Variants in ACTR3C observed in about 807,000 individuals in gnomAD.
ACTR3C encodes the protein actin related protein 3C.
A neutral mutation model predicts 26.3 loss-of-function variants in ACTR3C; 18 were observed. That is an observed-to-expected ratio of 0.68 (90% CI 0.47 to 1.01). The LOEUF (loss-of-function observed/expected upper bound fraction) is 1.01. Among genes scored for constraint, ACTR3C ranks in the 50% least tolerant of loss-of-function variants. The pLI is 0.00. For synonymous variants in ACTR3C, 55 were observed against 94.5 expected, an observed-to-expected ratio of 0.58 and a Z score of 2.42; for missense variants, 184 against 250.7, an observed-to-expected ratio of 0.73 and a Z score of 1.80.
chr7:150,046,538 T>C, the ACTR3C span, among the ~76,000 whole-genome samples: 1 of 149,378 alleles, frequency 6.7e-6, no homozygotes, highest in Non-Finnish European at 1.5e-5. Flanking sequence ...GGTTGAGCAG[T>C]TGTGAAACTC....
the ACTR3C span, among the ~76,000 whole-genome samples, chr7:150,146,887 T>C: frequency 2.0e-5 from 3 of 152,200 alleles, no homozygotes; most frequent in East Asian, 5.8e-4. Flanking sequence ...ACTATTTTCT[T>C]AAAAGATTGA....
the ACTR3C span, among the ~76,000 whole-genome samples, chr7:149,884,303 A>G: frequency 6.6e-6 from 1 of 152,168 alleles, no homozygotes; most frequent in Non-Finnish European, 1.5e-5. Context: ...GTGTGGATTT[A>G]GGCCACATAC....
chr7:149,889,223 A>G, the ACTR3C span, among the ~76,000 whole-genome samples: 2 of 152,184 alleles, frequency 1.3e-5, no homozygotes, highest in African/African-American at 4.8e-5. Flanking sequence ...GAAGAACTGC[A>G]GCCCTACCTT....
At chr7:150,092,679 A>G in the ACTR3C span, among the ~76,000 whole-genome samples, 1 of 150,436 alleles carries the variant, frequency 6.6e-6, no homozygotes, top group African/African-American at 2.5e-5. Flanking sequence ...AACATCCGGG[A>G]GGACACTGCC....
chr7:150,316,989 C>T (rs1262158063), intron 1 of ACTR3C, among the ~76,000 whole-genome samples: 2 of 152,030 alleles, frequency 1.3e-5, no homozygotes, highest in African/African-American at 4.8e-5. Context: ...AGATTTTGTA[C>T]ATTTTCTGCT....
the ACTR3C span, among the ~76,000 whole-genome samples, chr7:150,006,791 G>C: frequency 2.0e-5 from 3 of 152,090 alleles, no homozygotes; most frequent in East Asian, 1.9e-4. Flanking sequence ...GATACACAAG[G>C]GGTCTGTATT....
At chr7:149,961,282 A>G in the ACTR3C span, among the ~76,000 whole-genome samples, 6 of 152,052 alleles carry the variant, frequency 3.9e-5, no homozygotes, top group Admixed American at 2.0e-4. Context: ...TGTATATCAT[A>G]GTAAGTGTGG....
the ACTR3C span, among the ~76,000 whole-genome samples, chr7:149,981,761 C>T: frequency 3.3e-5 from 5 of 152,042 alleles, no homozygotes; most frequent in Admixed American, 1.3e-4. Flanking sequence ...AGGGGCAGCC[C>T]GAGAGAGCTG....
At chr7:150,276,369 A>G (rs1465640777) in intron 6 of ACTR3C, among the ~76,000 whole-genome samples, 3 of 152,176 alleles carry the variant, frequency 2.0e-5, no homozygotes, top group Admixed American at 2.0e-4. Context: ...TGCTATTTAC[A>G]TGCCAAAGAC....
the ACTR3C span, among the ~76,000 whole-genome samples, chr7:150,019,618 A>AAT: frequency 1.3e-5 from 2 of 148,474 alleles, no homozygotes; most frequent in South Asian, 4.2e-4. Context: ...TAATAATAAT[A>AAT]ATAATAATAA....
the ACTR3C span, among the ~76,000 whole-genome samples, chr7:149,984,261 C>T: frequency 6.6e-6 from 1 of 151,318 alleles, no homozygotes; most frequent in Non-Finnish European, 1.5e-5. Context: ...AGGAGTGCAG[C>T]AGCATAATCT....
the ACTR3C span, among the ~76,000 whole-genome samples, chr7:150,041,734 G>C: frequency 6.9e-6 from 1 of 144,946 alleles, no homozygotes; most frequent in Non-Finnish European, 1.5e-5. Flanking sequence ...CTCCTGCGAT[G>C]GGGGTCCTAA....
chr7:149,923,686 G>A, the ACTR3C span, among the ~76,000 whole-genome samples: 7 of 152,166 alleles, frequency 4.6e-5, no homozygotes, highest in Non-Finnish European at 1.0e-4. Flanking sequence ...GTCCATGACA[G>A]ACTAGGTACA....
chr7:150,020,679 C>T, the ACTR3C span, among the ~76,000 whole-genome samples: 1 of 151,938 alleles, frequency 6.6e-6, no homozygotes, highest in Admixed American at 6.6e-5. Context: ...TGGAGTGTGT[C>T]CCCATTTTCT....
the ACTR3C span, among the ~76,000 whole-genome samples, chr7:150,100,825 C>T: frequency 6.6e-6 from 1 of 151,336 alleles, no homozygotes; most frequent in African/African-American, 2.5e-5. Flanking sequence ...CCACCTCACC[C>T]TCCCAATTAG....
chr7:149,904,674 T>C, the ACTR3C span, among the ~76,000 whole-genome samples: 64,329 of 139,528 alleles, frequency 0.46, 16,920 homozygotes, highest in South Asian at 0.71. Context: ...TCAAATTTGA[T>C]GTCAAATTTT....
the ACTR3C span, among the ~76,000 whole-genome samples, chr7:150,039,380 TCCTAAGA>T: frequency 3.5e-5 from 3 of 86,162 alleles, no homozygotes; most frequent in East Asian, 4.3e-4. Context: ...GCGATGGGGG[TCCTAAGA>T]ACCCGGGGGG....
At chr7:150,219,979 T>G in the ACTR3C span, among the ~76,000 whole-genome samples, 15 of 146,142 alleles carry the variant, frequency 1.0e-4, no homozygotes, top group Non-Finnish European at 1.8e-4. Flanking sequence ...CAGGGTAGGA[T>G]CTCCAGCCCC....
chr7:150,047,673 C>CCGCCGCCGCCGCCGCGCTCCCGGGG, the ACTR3C span: 1 of 1,059,744 alleles, frequency 9.4e-7, no homozygotes, highest in Non-Finnish European at 1.1e-6. Flanking sequence ...CGCGCCGCCG[C>CCGCCGCCGCCGCCGCGCTCCCGGGG]CGCCGCCGCC....
Sources: gnomAD v4.1 joint callset for allele counts (sites outside exome capture counted in the v4.1 genomes callset) on GRCh38, gnomAD v4.1.1 for gene constraint, MANE v1.5 for transcripts, NCBI Gene and HGNC (gene_info 2026-07-23, HGNC 2026-07-21) for gene names.